EVC2: variants seen among roughly 807,000 people sequenced by gnomAD.
EVC2 encodes limbin.
A neutral mutation model predicts 149.3 loss-of-function variants in EVC2; 148 were observed. That is an observed-to-expected ratio of 0.99 (90% CI 0.87 to 1.14). The LOEUF (loss-of-function observed/expected upper bound fraction) is 1.14. Ranked by LOEUF, EVC2 falls within the 50% of genes most tolerant of loss-of-function variation. EVC2 has a pLI of 0.00. For synonymous variants in EVC2, 776 were observed against 649.9 expected (o/e 1.19, Z -2.95); for missense variants, 1,854 against 1,627.3 (o/e 1.14, Z -2.40).
chr4:5,616,656 C>T (rs894730075), intron 15 of EVC2, among the ~76,000 whole-genome samples: 1 of 152,240 alleles, frequency 6.6e-6, no homozygotes, highest in African/African-American at 2.4e-5. Context: ...GGCCTTGGTG[C>T]TTAGGAAACT....
rs748008164 is a variant in EVC2, at chr4:5,576,615, G to A, written c.3058-161C>T. 2.6e-5 allele frequency among the ~76,000 whole-genome samples: 4 copies of A among 152,238 alleles called. No homozygotes were observed. Among genetic ancestry groups the A allele is most frequent in the Admixed American group, 1.3e-4 (2 of 15,298 alleles). Reference sequence around the variant, plus strand: ...ACATGGTGCAATGTGAGTGCACCACGATCTCTCACCCCTGTGTCACCTCCA... The same window carrying A: ...ACATGGTGCAATGTGAGTGCACCACAATCTCTCACCCCTGTGTCACCTCCA... On this transcript the variant is annotated intron_variant, in intron 17 of 21. Transcript: ENST00000344408. This position sits in a 1 kb window ranked among gnomAD's most constrained non-coding sequence, Gnocchi z 4.5.
Position 5,628,225 on chromosome 4 carries a change from C to T in EVC2, c.1886+334G>A, listed in dbSNP as rs577553100. The stretch of plus-strand genomic sequence containing the variant: ...CCTTCAAAACTTGAAATTTAATTGC[C>T]ATTGTGACAGTATTAAGAGACGGGA... On this transcript the variant is annotated intron_variant, in intron 12 of 21. Transcript: ENST00000344408. Among the ~76,000 whole-genome samples, 13 of 152,056 alleles carry T rather than the reference C, an allele frequency of 8.5e-5. No individual in the cohort carries two copies. The South Asian group carries it at 2.1e-3, about 24-fold the overall frequency.
chr4:5,624,441 C>T (rs1479252198), intron 13 of EVC2, among the ~76,000 whole-genome samples: 1 of 152,210 alleles, frequency 6.6e-6, no homozygotes, highest in Non-Finnish European at 1.5e-5. Context: ...TTCATTCATT[C>T]TACAAATATG....
chr4:5,539,108 G>C (rs1369305780), downstream of EVC2, among the ~76,000 whole-genome samples: 1 of 152,114 alleles, frequency 6.6e-6, no homozygotes, highest in African/African-American at 2.4e-5. Context: ...AAGCTTGAAA[G>C]ATTCAACTAA....
In EVC2 at chr4:5,640,450, A is replaced by G; in HGVS notation, c.1470+64T>C. 6.3e-7 allele frequency: 1 copy of G among 1,598,386 alleles called. No homozygotes were observed. The highest frequency in any genetic ancestry group is 8.6e-7 in the Non-Finnish European group (1 of 1,166,112). The stretch of plus-strand genomic sequence containing the variant: ...GGCAAATGGACAGATGAGTGGGTAG[A>G]TGGATAAATGACAAATCCCTGAGAG... On this transcript the variant is annotated intron_variant, in intron 10 of 21. Coordinates refer to ENST00000344408, the MANE Select transcript of EVC2 (RefSeq NM_147127.5). The surrounding 1 kb of genome is among the most constrained non-coding windows in gnomAD (Gnocchi z 4.6).
At chr4:5,572,844 C>T (rs1722713879) in intron 19 of EVC2, among the ~76,000 whole-genome samples, 1 of 152,132 alleles carries the variant, frequency 6.6e-6, no homozygotes, top group Non-Finnish European at 1.5e-5. Flanking sequence ...CTCAGTTACG[C>T]AGAGACATAG....
chr4:5,634,334 G>T (rs181362004), intron 10 of EVC2, among the ~76,000 whole-genome samples: 11 of 152,254 alleles, frequency 7.2e-5, no homozygotes, highest in Middle Eastern at 3.4e-3. Context: ...CCTGAGTCTG[G>T]GCACCGCAGG....
intron 20 of EVC2, 93 bp downstream of exon 20, chr4:5,568,351 C>CA: frequency 1.5e-6 from 2 of 1,295,480 alleles, no homozygotes; most frequent in South Asian, 2.8e-5. Context: ...AAAGTATGGA[C>CA]AAAATACATG....
At chr4:5,543,278 C>T in intron 21 of EVC2, 1 of 1,096,838 alleles carries the variant, frequency 9.1e-7, no homozygotes, top group Non-Finnish European at 1.2e-6. Flanking sequence ...TGTACCATCA[C>T]CATCCACCCC....
At chr4:5,685,040 AAATT>A (rs1720599307) in intron 6 of EVC2, among the ~76,000 whole-genome samples, 1 of 152,220 alleles carries the variant, frequency 6.6e-6, no homozygotes, top group South Asian at 2.1e-4. Flanking sequence ...TAGCCCTGCA[AAATT>A]AATAGTAATG....
intron 14 of EVC2, among the ~76,000 whole-genome samples, chr4:5,619,040 A>G (rs1035427813): frequency 3.9e-5 from 6 of 152,162 alleles, no homozygotes; most frequent in African/African-American, 1.4e-4. Context: ...AGCATTCTCT[A>G]TGTAGGACCA....
intron 16 of EVC2, among the ~76,000 whole-genome samples, chr4:5,611,389 T>C (rs1006101510): frequency 1.3e-5 from 2 of 152,168 alleles, no homozygotes; most frequent in Non-Finnish European, 2.9e-5. Flanking sequence ...CTAGACACAG[T>C]TTTTCTTTTA....
intron 16 of EVC2, among the ~76,000 whole-genome samples, chr4:5,605,421 G>C (rs1325958133): frequency 4.6e-5 from 7 of 152,198 alleles, no homozygotes; most frequent in African/African-American, 1.7e-4. Flanking sequence ...CCCGTGATGT[G>C]TGAGGGGTCA....
intron 16 of EVC2, among the ~76,000 whole-genome samples, chr4:5,605,130 C>G (rs192050190): frequency 1.3e-5 from 2 of 152,322 alleles, no homozygotes; most frequent in South Asian, 2.1e-4. Context: ...AAATATTACT[C>G]AACTGTTTAT....
Position 5,640,524 on chromosome 4 carries a change from G to A in EVC2, c.1460C>T (p.Ala487Val). The part of the protein sequence containing the change: ...MEEAEELLKR[A>V]GERSAVECSN... ...TCAGACCTGTCTTACCCTCTCACCAGCACGTTTCAGCAACTCTTCTGCTTC... is the reference window on the plus strand; with the variant it reads ...TCAGACCTGTCTTACCCTCTCACCAACACGTTTCAGCAACTCTTCTGCTTC... The change falls in exon 10 of 22, where the codon GCT (alanine) becomes GTT (valine). Residue 487 changes from alanine (A) to valine (V), a missense_variant. By Grantham distance (64) the Ala-to-Val change is moderately conservative (BLOSUM62 0). Coordinates refer to ENST00000344408, the MANE Select transcript of EVC2 (RefSeq NM_147127.5). This position sits in a 1 kb window ranked among gnomAD's most constrained non-coding sequence, Gnocchi z 4.6. 4 of 1,614,118 alleles carry A rather than the reference G, an allele frequency of 2.5e-6. No individual in the cohort carries two copies. The highest frequency in any genetic ancestry group is 3.4e-6 in the Non-Finnish European group (4 of 1,180,018).
rs115363723 is a variant in EVC2 at position 5,592,953 on chromosome 4, G to C, written c.2830-8103C>G. 7.6e-3 allele frequency among the ~76,000 whole-genome samples: 1,158 copies of C among 152,216 alleles called. 12 individuals carry two copies. Among genetic ancestry groups the C allele is most frequent in the African/African-American group, 0.026 (1,090 of 41,540 alleles). On this transcript the variant is annotated intron_variant, in intron 16 of 21. Transcript: ENST00000344408. ...GTCATAGGAGGTAACTGAATCATGG[G>C]GGTGATTACCTCCATGCTGTTCTCC...
At chr4:5,589,149 G>A (rs142540857) in intron 16 of EVC2, among the ~76,000 whole-genome samples, 1,907 of 152,346 alleles carry the variant, frequency 0.013, 18 homozygotes, top group Non-Finnish European at 0.019. Context: ...TTTGTTCTGA[G>A]ATGCAGTTAA....
intron 16 of EVC2, among the ~76,000 whole-genome samples, chr4:5,608,857 C>T (rs568385618): frequency 4.8e-4 from 73 of 152,244 alleles, no homozygotes; most frequent in African/African-American, 1.8e-3. Context: ...TCTGAATCAG[C>T]AGATAGTAGA....
At chr4:5,565,385 G>A (rs762243058) in intron 20 of EVC2, 26 bp from the exon 21 acceptor site, 4 of 1,609,994 alleles carry the variant, frequency 2.5e-6, no homozygotes, top group Admixed American at 1.7e-5. Context: ...GAGTCTTATA[G>A]TTTCAAAAAT....
Sources: allele counts gnomAD v4.1 joint callset (sites outside exome capture counted in the v4.1 genomes callset), GRCh38; gene constraint gnomAD v4.1.1; non-coding constraint Gnocchi (gnomAD v3.1); transcripts MANE v1.5; gene names NCBI Gene and HGNC (gene_info 2026-07-23, HGNC 2026-07-21).